CPXM2: variants seen among roughly 807,000 people sequenced by gnomAD.
CPXM2 encodes carboxypeptidase X, M14 family member 2.
CPXM2 carries 66 observed loss-of-function variants against 86.1 expected under a neutral mutation model. The ratio of observed to expected loss-of-function variants is 0.77; its 90% CI spans 0.63 to 0.94. The LOEUF (loss-of-function observed/expected upper bound fraction) is 0.94. CPXM2 is among the 40% of genes least tolerant of loss of function. The pLI is 0.00. For missense variants in CPXM2, 948 were observed against 1,026.3 expected (o/e 0.92, Z 1.04); for synonymous variants, 388 against 400.2 (o/e 0.97, Z 0.36).
chr10:123,830,872 C>CTCTGTGTGTGTGTGTGTGTGTG (rs1258897184), intron 4 of CPXM2, among the ~76,000 whole-genome samples: 1 of 142,716 alleles, frequency 7.0e-6, no homozygotes, highest in African/African-American at 2.6e-5. Context: ...CTCTCTCTCT[C>CTCTGTGTGTGTGTGTGTGTGTG]TGTGTGTGTG....
chr10:123,773,199 C>T (rs1846692460), intron 7 of CPXM2, among the ~76,000 whole-genome samples: 3 of 151,408 alleles, frequency 2.0e-5, no homozygotes, highest in South Asian at 2.1e-4. Flanking sequence ...TTATCTCTCT[C>T]ATTGTGGTCA....
At chr10:123,764,795 T>TATTA (rs908654264) in intron 10 of CPXM2, among the ~76,000 whole-genome samples, 1 of 152,062 alleles carries the variant, frequency 6.6e-6, no homozygotes, top group Non-Finnish European at 1.5e-5. Context: ...TTTCTTCTGT[T>TATTA]ATTAATTAAT....
At chr10:123,756,876 A>C (rs562247443) in intron 12 of CPXM2, among the ~76,000 whole-genome samples, 98 of 152,264 alleles carry the variant, frequency 6.4e-4, no homozygotes, top group African/African-American at 2.2e-3. Context: ...CTTGTAAGCC[A>C]CCTGGTGTTT....
At position 123,805,885 on chromosome 10, in the gene CPXM2, A is replaced by T. The variant is rs561418891; in HGVS notation, c.654-6686T>A. Among the ~76,000 whole-genome samples, 6 of 152,330 alleles carry T rather than the reference A, an allele frequency of 3.9e-5. No homozygotes were observed. The South Asian group carries it at 1.2e-3, about 32-fold the overall frequency. On this transcript the variant is annotated intron_variant, in intron 4 of 13. Coordinates refer to ENST00000241305, the MANE Select transcript of CPXM2 (RefSeq NM_198148.3). ...TGATTACTACAATCTAATTCAAATG[A>T]TAATTTCTACTACTTCCATGGTAAT...
At chr10:123,806,687 C>G (rs1392566937) in intron 4 of CPXM2, among the ~76,000 whole-genome samples, 1 of 152,048 alleles carries the variant, frequency 6.6e-6, no homozygotes, top group Non-Finnish European at 1.5e-5. Flanking sequence ...CATCAAGAAA[C>G]TTACAATCAT....
rs190059825 is a variant in CPXM2 at position 123,856,631 on chromosome 10, G to A, written c.513+5983C>T. 4.0e-5 allele frequency among the ~76,000 whole-genome samples: 6 copies of A among 151,726 alleles called. No homozygotes were observed. In the East Asian group the frequency reaches 7.8e-4, roughly 20 times the overall value. ...TTTTGAGACAGAGTCTCATCCTCTC[G>A]CCCAGGCTGGAGTGCAGTGGCATGA... On this transcript the variant is annotated intron_variant, in intron 3 of 13. Transcript: ENST00000241305.
intron 7 of CPXM2, among the ~76,000 whole-genome samples, chr10:123,774,408 A>T (rs1846731615): frequency 6.6e-6 from 1 of 152,224 alleles, no homozygotes; most frequent in African/African-American, 2.4e-5. Context: ...TGCAAATTTT[A>T]TGGTGGGTTG....
At position 123,768,552 on chromosome 10, in the gene CPXM2, C is replaced by G. The variant is rs367761553; in HGVS notation, c.1273G>C (p.Asp425His). 1.9e-5 allele frequency: 31 copies of G among 1,613,494 alleles called. No individual in the cohort carries two copies. The Middle Eastern group carries it at 4.9e-4, about 26-fold the overall frequency. ...CCTTCGTAGGCCTTCTCGTAGCCAT[C>G]GGGGTTGAGGGAGGGGAGGACGTGA... ...RIHVLPSLNP[D>H]GYEKAYEGGS... The change falls in exon 9 of 14, where the codon GAT becomes CAT. Residue 425 changes from aspartate to histidine, a missense_variant. Asp to His is a moderately conservative substitution (Grantham distance 81, BLOSUM62 -1). Coordinates refer to ENST00000241305, the MANE Select transcript of CPXM2 (RefSeq NM_198148.3).
chr10:123,880,604 T>A (rs181879458), intron 1 of CPXM2, among the ~76,000 whole-genome samples: 57 of 151,894 alleles, frequency 3.8e-4, no homozygotes, highest in Non-Finnish European at 6.3e-4. Flanking sequence ...CTAAGGCGGG[T>A]GGATCACAAG....
Position 123,881,231 on chromosome 10 carries a change from CTCTTCCCTT to C in CPXM2, c.305-931_305-923del, listed in dbSNP as rs1564811051. Among the ~76,000 whole-genome samples the C allele has an allele frequency of 4.5e-4, 42 of 93,880 alleles. 6 individuals are homozygous for C. The highest frequency in any genetic ancestry group is 6.2e-4 in the Non-Finnish European group (27 of 43,740). The allele number at this position is 93,880 out of a possible 152,430, so 61.6% of individuals were successfully genotyped here. A position where few individuals can be genotyped will look rare whatever the true frequency, so the allele number is the denominator to read the frequency against. Reference sequence around the variant, plus strand: ...TTGTTCCTTCTCCTGGAGCACCCTTCTCTTCCCTTCCCTTCCCTTCCCTTCCCTTCCCTT... The same window carrying C: ...TTGTTCCTTCTCCTGGAGCACCCTTCCCCTTCCCTTCCCTTCCCTTCCCTT... On this transcript the variant is annotated intron_variant, in intron 1 of 13. Transcript: ENST00000241305.
At chr10:123,927,644 G>T (rs1232465275) in intron 2 of CPXM2, among the ~76,000 whole-genome samples, 1 of 152,154 alleles carries the variant, frequency 6.6e-6, no homozygotes, top group African/African-American at 2.4e-5. Context: ...CGGCCTTAGG[G>T]CTCCCAACTG....
At chr10:123,937,478 C>T (rs775221199) in intron 2 of CPXM2, among the ~76,000 whole-genome samples, 2,740 of 87,338 alleles carry the variant, frequency 0.031, 30 homozygotes, top group East Asian at 0.076. Flanking sequence ...ACAACACACA[C>T]ACACACACAC....
rs796420747 is a variant in CPXM2, at chr10:123,795,385, G to A, written c.889+2591C>T. Among the ~76,000 whole-genome samples, 4 of 152,060 alleles carry A rather than the reference G, an allele frequency of 2.6e-5. No homozygotes were observed. In the South Asian group the frequency reaches 6.2e-4, roughly 24 times the overall value. Reference sequence around the variant, plus strand: ...ACCAGCACCCTCATCCGCCCCCACCGGAGAGTTCACAGGAAGATAGTGAGG... The same window carrying A: ...ACCAGCACCCTCATCCGCCCCCACCAGAGAGTTCACAGGAAGATAGTGAGG... On this transcript the variant is annotated intron_variant, in intron 6 of 13. Transcript: ENST00000241305.
chr10:123,876,430 C>A (rs569429163), intron 2 of CPXM2, among the ~76,000 whole-genome samples: 1 of 152,160 alleles, frequency 6.6e-6, no homozygotes, highest in Admixed American at 6.5e-5. Flanking sequence ...AAGGAGGGAA[C>A]CAGCACCATA....
At chr10:123,747,989 G>C (rs1846002211) in intron 13 of CPXM2, among the ~76,000 whole-genome samples, 1 of 151,416 alleles carries the variant, frequency 6.6e-6, no homozygotes. Context: ...CTACAACCTG[G>C]TGAGAACATT....
At chr10:123,923,474 G>A (rs199566138) in intron 2 of CPXM2, among the ~76,000 whole-genome samples, 14 of 151,006 alleles carry the variant, frequency 9.3e-5, no homozygotes, top group South Asian at 8.4e-4. Context: ...CCAGCTACTC[G>A]GGAGGCTGAG....
intron 1 of CPXM2, among the ~76,000 whole-genome samples, chr10:123,883,637 G>T (rs1321852532): frequency 6.6e-6 from 1 of 152,222 alleles, no homozygotes; most frequent in East Asian, 1.9e-4. Flanking sequence ...AATTGACACG[G>T]CATTTTCACA....
At chr10:123,763,778 GCTTTGAA>G (rs966112532) in intron 10 of CPXM2, among the ~76,000 whole-genome samples, 1 of 151,960 alleles carries the variant, frequency 6.6e-6, no homozygotes, top group South Asian at 2.1e-4. Flanking sequence ...GAACAGTGTT[GCTTTGAA>G]CTTTCTTTTA....
At chr10:123,768,382 AATAAAT>A (rs1481516528) in intron 9 of CPXM2, 138 bp downstream of exon 9, 3 of 89,822 alleles carry the variant, frequency 3.3e-5, no homozygotes, top group Non-Finnish European at 5.3e-5. Context: ...TCAAAAAATA[AATAAAT>A]AAATAAATAA....
Sources: gnomAD v4.1 joint callset for allele counts (sites outside exome capture counted in the v4.1 genomes callset) on GRCh38, gnomAD v4.1.1 for gene constraint, MANE v1.5 for transcripts, NCBI Gene and HGNC (gene_info 2026-07-23, HGNC 2026-07-21) for gene names.